TAF7L: variants seen among roughly 807,000 people sequenced by gnomAD.
The protein encoded by TAF7L is TATA-box binding protein associated factor 7 like, also known as transcription initiation factor TFIID subunit 7-like.
TAF7L carries 6 observed loss-of-function variants against 30.2 expected under a neutral mutation model. That is an observed-to-expected ratio of 0.20 (90% confidence interval 0.11 to 0.39). The LOEUF is 0.39. Ranked by LOEUF, TAF7L falls within the 10% of genes least tolerant of loss-of-function variation. The pLI, the probability that TAF7L is intolerant of heterozygous loss-of-function variation, is 1.00. For missense variants in TAF7L, 284 were observed against 277.1 expected (o/e 1.03, Z -0.18); for synonymous variants, 93 against 94.5 (o/e 0.98, Z 0.09).
chrX:101,292,866 G>A (rs1924877326), upstream of TAF7L: 1 of 1,211,566 alleles, frequency 8.3e-7, no homozygotes, highest in Non-Finnish European at 1.1e-6. Context: ...GAGTGTCCTC[G>A]TCGGCAGGAA....
At chrX:101,284,813 A>T (rs1027630223) in intron 3 of TAF7L, among the ~76,000 whole-genome samples, 1 of 109,234 alleles carries the variant, frequency 9.2e-6, no homozygotes, top group East Asian at 2.9e-4. Context: ...AGCAAAATTT[A>T]TTTATTTTTG....
At chrX:101,287,644 A>ATAATTAT (rs1264736604) in intron 1 of TAF7L, 99 bp from the exon 2 acceptor site, 36 of 586,078 alleles carry the variant, frequency 6.1e-5, no homozygotes, top group Non-Finnish European at 9.3e-5. Flanking sequence ...TAAATTATAC[A>ATAATTAT]AGATCTTGCC....
Position 101,270,468 on chromosome X carries a change from C to G in TAF7L, c.1087-1231G>C, listed in dbSNP as rs766553213. Among the ~76,000 whole-genome samples the G allele has an allele frequency of 1.6e-4, 18 of 110,413 alleles. No homozygotes were observed. The South Asian group carries it at 5.1e-3, about 32-fold the overall frequency. The stretch of plus-strand genomic sequence containing the variant: ...CAGGCTCTTTCTCTTCCCACCACCC[C>G]CTATAGATAGGTTTTTCCTTAGGTT... On this transcript the variant is annotated intron_variant, in intron 12 of 12. Transcript: ENST00000356784.
intron 12 of TAF7L, among the ~76,000 whole-genome samples, chrX:101,270,797 T>C (rs1443746269): frequency 9.0e-6 from 1 of 111,038 alleles, no homozygotes; most frequent in Admixed American, 9.7e-5. Flanking sequence ...ATTTCTCCTA[T>C]ATACTTCTGG....
chrX:101,268,966 A>G lies in TAF7L; in HGVS notation c.*227T>C, dbSNP rs1180445241. The G allele has an allele frequency of 6.6e-6, 2 of 302,693 alleles. No individual in the cohort carries two copies. The highest frequency in any genetic ancestry group is 5.4e-5 in the African/African-American group (2 of 36,873). 24.9% of individuals were successfully genotyped at this position (302,693 alleles called of 1,213,427 possible). ...ATAATAATAATTCCCAAATTGACAA[A>G]GAGAAAGTCTCATGGTCGAGTGGGG... On this transcript the variant is annotated 3_prime_UTR_variant, in exon 13 of 13. Coordinates refer to ENST00000356784, the MANE Select transcript of TAF7L (RefSeq NM_001168474.2).
chrX:101,281,102 C>T (rs1434556548), intron 6 of TAF7L, among the ~76,000 whole-genome samples: 1 of 111,506 alleles, frequency 9.0e-6, no homozygotes, highest in Non-Finnish European at 1.9e-5. Flanking sequence ...GAACTAAACA[C>T]ATGCACAAAA....
At chrX:101,277,478 G>T in intron 9 of TAF7L, 128 bp downstream of exon 9, 1 of 325,662 alleles carries the variant, frequency 3.1e-6, no homozygotes, top group Non-Finnish European at 5.3e-6. Context: ...AAAGAGGGAA[G>T]GACGAAACCA....
chrX:101,273,087 T>G (rs1346874873), intron 12 of TAF7L, among the ~76,000 whole-genome samples: 1 of 111,861 alleles, frequency 8.9e-6, no homozygotes, highest in Non-Finnish European at 1.9e-5. Context: ...ATGGGTGATA[T>G]TGTATGGTTT....
intron 6 of TAF7L, 106 bp from the exon 7 acceptor site, chrX:101,279,141 A>C (rs1173281838): frequency 1.6e-6 from 1 of 626,325 alleles, no homozygotes; most frequent in Non-Finnish European, 2.5e-6. Flanking sequence ...TTTAGTAGGC[A>C]CTCAATAAAT....
At chrX:101,278,193 C>A in intron 7 of TAF7L, 72 bp from the exon 8 acceptor site, 2 of 823,830 alleles carry the variant, frequency 2.4e-6, no homozygotes, top group African/African-American at 2.0e-5. Flanking sequence ...GCAGGAGTGC[C>A]CTCCTACGTA....
chrX:101,284,727 G>T, intron 3 of TAF7L, among the ~76,000 whole-genome samples: 1 of 110,595 alleles, frequency 9.0e-6, no homozygotes, highest in African/African-American at 3.3e-5. Flanking sequence ...GTCAGTAAGT[G>T]TTAACTAACT....
At chrX:101,288,156 TTTC>T (rs1715559420) in intron 1 of TAF7L, among the ~76,000 whole-genome samples, 1 of 109,496 alleles carries the variant, frequency 9.1e-6, no homozygotes, top group Non-Finnish European at 1.9e-5. Flanking sequence ...TTTTTTTTTT[TTTC>T]AAGACAGAGT....
intron 12 of TAF7L, 89 bp from the exon 13 acceptor site, chrX:101,269,326 A>G (rs1304320129): frequency 3.6e-5 from 29 of 813,092 alleles, no homozygotes; most frequent in Non-Finnish European, 4.4e-5. Context: ...TGAACCAAAA[A>G]GAACTACTGT....
chrX:101,276,705 G>GT (rs1924199040), intron 9 of TAF7L, among the ~76,000 whole-genome samples, 177 bp from the exon 10 acceptor site: 1 of 111,412 alleles, frequency 9.0e-6, no homozygotes, highest in Non-Finnish European at 1.9e-5. Context: ...GCAAAACACT[G>GT]TAACATTCAT....
chrX:101,276,265 G>A (rs1924170529), intron 10 of TAF7L, 42 bp downstream of exon 10: 4 of 1,207,811 alleles, frequency 3.3e-6, no homozygotes, highest in Non-Finnish European at 4.5e-6. Context: ...TGTTAGCACT[G>A]CCACCCACCC....
chrX:101,271,968 G>T (rs1216445222), intron 12 of TAF7L, among the ~76,000 whole-genome samples: 1 of 111,381 alleles, frequency 9.0e-6, no homozygotes, highest in Non-Finnish European at 1.9e-5. Context: ...TGAGAGGAAG[G>T]GAATATATAG....
chrX:101,281,108 CAAAA>C (rs1276730345), intron 6 of TAF7L, among the ~76,000 whole-genome samples: 10 of 111,053 alleles, frequency 9.0e-5, no homozygotes, highest in Non-Finnish European at 1.5e-4. Flanking sequence ...AACACATGCA[CAAAA>C]ATACACGAGT....
intron 12 of TAF7L, among the ~76,000 whole-genome samples, chrX:101,270,085 C>G (rs1923919777): frequency 1.8e-5 from 2 of 111,529 alleles, no homozygotes; most frequent in African/African-American, 6.5e-5. Context: ...CAATCAGGAG[C>G]CTGATGATGT....
At chrX:101,282,106 G>A (rs1002490848) in intron 5 of TAF7L, among the ~76,000 whole-genome samples, 3 of 110,242 alleles carry the variant, frequency 2.7e-5, no homozygotes, top group East Asian at 2.8e-4. Context: ...AGCTGGTCTC[G>A]AACTCCTGAC....
Sources: gnomAD v4.1 joint callset for allele counts (sites outside exome capture counted in the v4.1 genomes callset) on GRCh38, gnomAD v4.1.1 for gene constraint, MANE v1.5 for transcripts, NCBI Gene and HGNC (gene_info 2026-07-23, HGNC 2026-07-21) for gene names.